Variants in UBR3 observed in about 807,000 individuals in gnomAD.
UBR3 encodes ubiquitin protein ligase E3 component n-recognin 3.
A neutral mutation model predicts 243.2 loss-of-function variants in UBR3; 85 were observed. The observed-to-expected ratio is 0.35, with a 90% CI of 0.29 to 0.42. The LOEUF is 0.42. Among genes scored for constraint, UBR3 ranks in the 10% least tolerant of loss-of-function variants. The pLI, the probability that UBR3 is intolerant of heterozygous loss-of-function variation, is 1.00. For synonymous variants in UBR3, 748 were observed against 799.8 expected, an observed-to-expected ratio of 0.94 and a Z score of 1.09; for missense variants, 1,686 against 2,300.8, an observed-to-expected ratio of 0.73 and a Z score of 5.47.
intron 5 of UBR3, among the ~76,000 whole-genome samples, chr2:169,879,705 C>CA (rs2083749763): frequency 6.6e-6 from 1 of 152,164 alleles, no homozygotes; most frequent in African/African-American, 2.4e-5. Context: ...TAAGCACTTA[C>CA]AGCCCTGGTG....
At chr2:169,925,541 T>C (rs1269278114) in intron 13 of UBR3, 78 bp from the exon 14 acceptor site, 8 of 1,311,168 alleles carry the variant, frequency 6.1e-6, no homozygotes, top group African/African-American at 1.5e-5. Context: ...TCATTAAATA[T>C]TTTGAAATGG....
chr2:170,072,942 A>G (rs1487775882), intron 35 of UBR3, among the ~76,000 whole-genome samples: 1 of 152,132 alleles, frequency 6.6e-6, no homozygotes, highest in Non-Finnish European at 1.5e-5. Context: ...CCTGGCTCCT[A>G]ACAATTCCAC....
chr2:170,008,662 A>C, intron 28 of UBR3, 142 bp from the exon 29 acceptor site: 1 of 479,950 alleles, frequency 2.1e-6, no homozygotes, highest in Non-Finnish European at 3.6e-6. Flanking sequence ...TGTACACTAA[A>C]TATATTTATA....
chr2:169,973,330 G>T (rs567373656), intron 24 of UBR3, among the ~76,000 whole-genome samples: 1 of 144,286 alleles, frequency 6.9e-6, no homozygotes, highest in Non-Finnish European at 1.5e-5. Flanking sequence ...TGTGAAAATG[G>T]CCATACTGCC....
At chr2:169,885,547 C>T (rs2084058435) in intron 5 of UBR3, among the ~76,000 whole-genome samples, 1 of 151,738 alleles carries the variant, frequency 6.6e-6, no homozygotes, top group African/African-American at 2.4e-5. Context: ...CACTGCACTC[C>T]AGCGTGGGTG....
chr2:169,916,926 C>CT (rs1196489271), intron 11 of UBR3, among the ~76,000 whole-genome samples: 2 of 152,078 alleles, frequency 1.3e-5, no homozygotes, highest in Non-Finnish European at 2.9e-5. Flanking sequence ...CCTCCTCAGT[C>CT]TGAGCTCTGA....
intron 24 of UBR3, among the ~76,000 whole-genome samples, chr2:169,980,732 G>C (rs1326173616): frequency 2.7e-5 from 4 of 149,906 alleles, no homozygotes; most frequent in Non-Finnish European, 5.9e-5. Context: ...TCATCATTTA[G>C]CATTAGGTAT....
At chr2:170,015,845 T>C (rs2090220679) in intron 30 of UBR3, among the ~76,000 whole-genome samples, 1 of 151,920 alleles carries the variant, frequency 6.6e-6, no homozygotes, top group South Asian at 2.1e-4. Context: ...ATGAGAATAA[T>C]TCTTCAATCT....
chr2:169,844,102 G>A (rs2082388148), intron 1 of UBR3, among the ~76,000 whole-genome samples: 1 of 151,366 alleles, frequency 6.6e-6, no homozygotes, highest in South Asian at 2.1e-4. Context: ...AGCCTCCTGG[G>A]TTCAGTTGAT....
At chr2:170,076,570 C>A (rs888255766) in intron 36 of UBR3, among the ~76,000 whole-genome samples, 1 of 152,122 alleles carries the variant, frequency 6.6e-6, no homozygotes, top group Non-Finnish European at 1.5e-5. Flanking sequence ...CCTGCTCACC[C>A]TGAATTCAAT....
At chr2:169,875,474 G>A (rs879398) in intron 2 of UBR3, among the ~76,000 whole-genome samples, 26,990 of 151,960 alleles carry the variant, frequency 0.18, 2,653 homozygotes, top group South Asian at 0.36. Context: ...GACTACAGGC[G>A]CGCACCACCA....
chr2:169,891,268 A>G (rs2084363396), intron 6 of UBR3, 37 bp downstream of exon 6: 1 of 1,493,700 alleles, frequency 6.7e-7, no homozygotes. Flanking sequence ...CCTTGAATAA[A>G]ATGCTTCTAA....
chr2:169,852,621 T>A (rs926928209), intron 1 of UBR3, among the ~76,000 whole-genome samples: 2 of 151,010 alleles, frequency 1.3e-5, no homozygotes, highest in Non-Finnish European at 2.9e-5. Context: ...CGCAGGCGGA[T>A]CACTTGAGGT....
At chr2:169,992,545 A>G (rs557724102) in intron 25 of UBR3, among the ~76,000 whole-genome samples, 39 of 152,322 alleles carry the variant, frequency 2.6e-4, no homozygotes, top group Admixed American at 7.2e-4. Flanking sequence ...TAAGAGGATT[A>G]TGCATCATGG....
At chr2:169,862,148 T>C (rs2083113984) in intron 1 of UBR3, among the ~76,000 whole-genome samples, 1 of 152,212 alleles carries the variant, frequency 6.6e-6, no homozygotes, top group Non-Finnish European at 1.5e-5. Flanking sequence ...ATCTCTATTT[T>C]TACTTTCAAG....
At chr2:169,894,865 T>C (rs1403248250) in intron 6 of UBR3, among the ~76,000 whole-genome samples, 2 of 152,244 alleles carry the variant, frequency 1.3e-5, no homozygotes, top group Admixed American at 1.3e-4. Context: ...TACATCATAG[T>C]TGACACTTCT....
rs1419117905 is a variant in UBR3, at chr2:169,927,586, TTTTTA to T, written c.2424+182_2424+186del. The stretch of plus-strand genomic sequence containing the variant: ...CAAGCCTGGTGACTGTTTTTTTTTT[TTTTTA>T]ACCTCCTGTTATTACCTCTTGGGGA... On this transcript the variant is annotated intron_variant, in intron 17 of 38. Coordinates refer to ENST00000272793, the MANE Select transcript of UBR3 (RefSeq NM_172070.4). Among the ~76,000 whole-genome samples, 3 of 152,144 alleles carry T rather than the reference TTTTTA, an allele frequency of 2.0e-5. No individual in the cohort carries two copies. In the East Asian group the frequency reaches 5.8e-4, roughly 29 times the overall value.
chr2:169,914,092 A>G lies in UBR3; in HGVS notation c.1812A>G (p.Arg604=). The change falls in exon 11 of 39, where the codon AGA becomes AGG. Residue 604 remains arginine, a synonymous_variant. Transcript: ENST00000272793. ...ETQEYTRNVV[R]YCLEALQDWF... is the part of the protein sequence containing the mutation. ...AAGAGTATACCCGAAATGTTGTTAG[A>G]TATTGCCTTGAAGCTCTTCAAGACT... is the stretch of plus-strand genomic sequence containing the variant. 1 of 1,512,412 alleles carries G rather than the reference A, an allele frequency of 6.6e-7. No individual in the cohort carries two copies. The highest frequency in any genetic ancestry group is 8.9e-7 in the Non-Finnish European group (1 of 1,128,334). The allele number at this position is 1,512,412 out of a possible 1,614,324, so 93.7% of individuals were successfully genotyped here. A position where few individuals can be genotyped will look rare whatever the true frequency, so the allele number is the denominator to read the frequency against.
chr2:169,877,124 A>G (rs981985188), intron 3 of UBR3, among the ~76,000 whole-genome samples: 1 of 152,222 alleles, frequency 6.6e-6, no homozygotes, highest in African/African-American at 2.4e-5. Context: ...CTGTCAAACC[A>G]GAAGGTGAAT....
Sources: gnomAD v4.1 joint callset for allele counts (sites outside exome capture counted in the v4.1 genomes callset) on GRCh38, gnomAD v4.1.1 for gene constraint, MANE v1.5 for transcripts, NCBI Gene and HGNC (gene_info 2026-07-23, HGNC 2026-07-21) for gene names.